Variants in UBR4 observed in about 807,000 individuals in gnomAD.
The protein encoded by UBR4 is E3 ubiquitin-protein ligase UBR4.
A neutral mutation model predicts 575.6 loss-of-function variants in UBR4; 124 were observed. That is an observed-to-expected ratio of 0.22 (90% CI 0.19 to 0.25). The LOEUF is 0.25. UBR4 is among the 10% of genes least tolerant of loss of function. UBR4 has a pLI of 1.00. For missense variants in UBR4, 4,818 were observed against 6,478.8 expected (o/e 0.74, Z 8.80); for synonymous variants, 2,455 against 2,473.7 (o/e 0.99, Z 0.22).
In UBR4 at chr1:19,186,585, A is replaced by C. The variant is rs2091546706; in HGVS notation, c.1705T>G (p.Tyr569Asp). Residue 569 changes from tyrosine (Y) to aspartate (D), a missense_variant, in exon 14 of 106, where the codon TAC becomes GAC. Physicochemically the swap from Tyr to Asp is radical, Grantham distance 160. Transcript: ENST00000375254. Reference protein sequence around the residue: ...DASASTDSNTYYEDDFSSTEE... With the variant: ...DASASTDSNTDYEDDFSSTEE... Reference sequence around the variant, plus strand: ...GTGCTACTGAAATCGTCCTCATAGTAAGTATTGGAGTCGGTGGAGGCGCTG... The same window carrying C: ...GTGCTACTGAAATCGTCCTCATAGTCAGTATTGGAGTCGGTGGAGGCGCTG... The C allele has an allele frequency of 6.2e-7, 1 of 1,613,974 alleles. No individual in the cohort carries two copies. The highest frequency in any genetic ancestry group is 8.5e-7 in the Non-Finnish European group (1 of 1,179,996).
Position 19,127,754 on chromosome 1 carries a change from G to T in UBR4, c.9112-15C>A. 3 of 1,607,702 alleles carry T rather than the reference G, an allele frequency of 1.9e-6. No individual in the cohort carries two copies. The highest frequency in any genetic ancestry group is 2.6e-6 in the Non-Finnish European group (3 of 1,174,294). ...TTGGAGACATCCTGCAGGCCAAAGCGTAAGTCCAGAAACCTCTACTTACTC... is the reference window on the plus strand; with the variant it reads ...TTGGAGACATCCTGCAGGCCAAAGCTTAAGTCCAGAAACCTCTACTTACTC... On this transcript the variant is annotated splice_polypyrimidine_tract_variant and intron_variant, in intron 62 of 105. Transcript: ENST00000375254.
rs558974411 is a variant in UBR4 at position 19,102,275 on chromosome 1, G to C, written c.12902-634C>G. Among the ~76,000 whole-genome samples, 13 of 152,224 alleles carry C rather than the reference G, an allele frequency of 8.5e-5. No homozygotes were observed. In the East Asian group the frequency reaches 1.9e-3, roughly 23 times the overall value. On this transcript the variant is annotated intron_variant, in intron 87 of 105. Transcript: ENST00000375254. ...AGCTACTCAGGAGGCTGAGGTGGGAGGATGGTTTGAGCCCAGAAGGCGGAG... is the reference window on the plus strand; with the variant it reads ...AGCTACTCAGGAGGCTGAGGTGGGACGATGGTTTGAGCCCAGAAGGCGGAG...
chr1:19,165,167 G>A (rs2088117815), intron 31 of UBR4, 82 bp downstream of exon 31: 2 of 1,491,846 alleles, frequency 1.3e-6, no homozygotes, highest in East Asian at 4.5e-5. Flanking sequence ...TCATGCTGTA[G>A]TTAAACTCAG....
chr1:19,149,879 G>T, intron 49 of UBR4: 1 of 1,086,496 alleles, frequency 9.2e-7, no homozygotes, highest in Non-Finnish European at 1.2e-6. Flanking sequence ...AGCAAACCAT[G>T]TATGGATAGG....
chr1:19,168,101 G>A lies in UBR4; in HGVS notation c.3825C>T (p.Ser1275=). The A allele has an allele frequency of 6.2e-7, 1 of 1,613,786 alleles. No individual in the cohort carries two copies. Among genetic ancestry groups the A allele is most frequent in the Non-Finnish European group, 8.5e-7 (1 of 1,179,726 alleles). Residue 1275 remains serine (S), a synonymous_variant, in exon 28 of 106, where the codon AGC becomes AGT. Transcript: ENST00000375254. ...VQAAHLGTLC[S]QSLPLAASLK... ...GGGAAGCAGCCAGGGGCAGACTTTGGCTACAGAGAGTCCCCAGGTGTGCAG... is the reference window on the plus strand; with the variant it reads ...GGGAAGCAGCCAGGGGCAGACTTTGACTACAGAGAGTCCCCAGGTGTGCAG...
chr1:19,110,550 G>GGT lies in UBR4; in HGVS notation c.11893-88_11893-87dup. On this transcript the variant is annotated intron_variant, in intron 79 of 105. Transcript: ENST00000375254. The surrounding 1 kb of genome is among the most constrained non-coding windows in gnomAD (Gnocchi z 4.5). ...ACTATTAATACAATTTCTGGTCCTA[G>GGT]GTGGCTCCAACAGAGACAAAGGACA... is the stretch of plus-strand genomic sequence containing the variant. 6.8e-7 allele frequency: 1 copy of GGT among 1,470,106 alleles called. No individual in the cohort carries two copies. The highest frequency in any genetic ancestry group is 9.4e-7 in the Non-Finnish European group (1 of 1,061,166). 91.1% of individuals were successfully genotyped at this position (1,470,106 alleles called of 1,614,324 possible). A position where few individuals can be genotyped will look rare whatever the true frequency, so the allele number is the denominator to read the frequency against.
At chr1:19,128,135 C>G (rs2082024979) in intron 62 of UBR4, 76 bp downstream of exon 62, 1 of 1,396,680 alleles carries the variant, frequency 7.2e-7, no homozygotes, top group Non-Finnish European at 1.0e-6. Context: ...TGAAGTTCCT[C>G]TATGAAACGA....
chr1:19,113,664 C>G (rs1412165983), intron 77 of UBR4, 35 bp downstream of exon 77: 1 of 1,612,022 alleles, frequency 6.2e-7, no homozygotes, highest in Non-Finnish European at 8.5e-7. Flanking sequence ...AACACTTGGA[C>G]AAAACACACC....
rs1350653868 is a variant in UBR4 at position 19,148,578 on chromosome 1, G to A, written c.7479C>T (p.Gly2493=). ...LEALESCFAV[G]PIIEKERNKN... ...AGTGACTTGCCTTCTCGATGATTGG[G>A]CCAACGGCAAAGCAGCTTTCCAGGG... Residue 2493 remains glycine (G), a synonymous_variant, in exon 50 of 106, where the codon GGC becomes GGT. Coordinates refer to ENST00000375254, the MANE Select transcript of UBR4 (RefSeq NM_020765.3). 1 of 1,614,164 alleles carries A rather than the reference G, an allele frequency of 6.2e-7. No homozygotes were observed. Among genetic ancestry groups the A allele is most frequent in the Non-Finnish European group, 8.5e-7 (1 of 1,180,028 alleles).
At chr1:19,077,951 A>G in intron 104 of UBR4, 25 bp downstream of exon 104, 1 of 1,613,736 alleles carries the variant, frequency 6.2e-7, no homozygotes, top group Admixed American at 1.7e-5. Flanking sequence ...GCCAAAACCC[A>G]CTGGGCCTCT....
intron 102 of UBR4, 180 bp from the exon 103 acceptor site, chr1:19,081,753 T>A (rs895646069): frequency 1.3e-6 from 1 of 755,660 alleles, no homozygotes; most frequent in Non-Finnish European, 2.4e-6. Flanking sequence ...TCCACGCCCT[T>A]CGTCCCCTTC....
At chr1:19,194,180 A>G (rs2092305851) in intron 8 of UBR4, among the ~76,000 whole-genome samples, 2 of 152,246 alleles carry the variant, frequency 1.3e-5, no homozygotes, top group African/African-American at 4.8e-5. Context: ...ACCCCAATGT[A>G]AACTATGGAC....
At chr1:19,149,641 G>C in intron 49 of UBR4, 1 of 912,536 alleles carries the variant, frequency 1.1e-6, no homozygotes, top group Non-Finnish European at 1.5e-6. Flanking sequence ...GCAATGACCA[G>C]AACAGAAAGA....
intron 62 of UBR4, 98 bp downstream of exon 62, chr1:19,128,113 C>A: frequency 8.4e-7 from 1 of 1,197,136 alleles, no homozygotes; most frequent in South Asian, 1.3e-5. Context: ...ATGGTTACCC[C>A]TTGAAACGAG....
chr1:19,160,769 G>A (rs17391011), intron 38 of UBR4, 148 bp downstream of exon 38: 13 of 766,612 alleles, frequency 1.7e-5, no homozygotes, highest in Admixed American at 4.7e-5. Flanking sequence ...CCCTCGTGAC[G>A]ACAATACATA....
chr1:19,151,585 G>T (rs777273200), intron 48 of UBR4, 58 bp downstream of exon 48: 4 of 1,576,112 alleles, frequency 2.5e-6, no homozygotes, highest in Non-Finnish European at 3.5e-6. Flanking sequence ...CAGGCCAGTG[G>T]CTCCCAATTT....
At position 19,164,267 on chromosome 1, in the gene UBR4, A is replaced by G. The variant is rs779689880; in HGVS notation, c.4686T>C (p.Asp1562=). Residue 1562 remains aspartate (D), a synonymous_variant, in exon 33 of 106, where the codon GAT becomes GAC. Transcript: ENST00000375254. The part of the protein sequence containing the change: ...GHLQLHNAAV[D]WLSRCKKYLS... ...CATCATCTTACCATCTGCTCAGCCAATCCACAGCAGCATTATGAAGCTGAA... is the reference window on the plus strand; with the variant it reads ...CATCATCTTACCATCTGCTCAGCCAGTCCACAGCAGCATTATGAAGCTGAA... 1 of 1,613,338 alleles carries G rather than the reference A, an allele frequency of 6.2e-7. No individual in the cohort carries two copies. Among genetic ancestry groups the G allele is most frequent in the Non-Finnish European group, 8.5e-7 (1 of 1,179,474 alleles).
chr1:19,146,714 C>A, intron 52 of UBR4, 112 bp downstream of exon 52: 1 of 1,429,908 alleles, frequency 7.0e-7, no homozygotes. Flanking sequence ...GAAGCAAAAT[C>A]CCTGTCTCTG....
In UBR4 at chr1:19,185,196, G is replaced by A. The variant is rs778190179; in HGVS notation, c.1841C>T (p.Pro614Leu). ...EKAAPPPPPP[P>L]PPLESSPRVK... is the part of the protein sequence containing the mutation. Reference sequence around the variant, plus strand: ...CCGAGGAGAGCTTTCCAGTGGAGGAGGTGGGGGAGGAGGCGGAGGTGCTGC... The same window carrying A: ...CCGAGGAGAGCTTTCCAGTGGAGGAAGTGGGGGAGGAGGCGGAGGTGCTGC... Residue 614 changes from proline to leucine, a missense_variant, in exon 15 of 106, where the codon CCT becomes CTT. By Grantham distance (98) the Pro-to-Leu change is moderately conservative. Coordinates refer to ENST00000375254, the MANE Select transcript of UBR4 (RefSeq NM_020765.3). 4 of 1,614,156 alleles carry A rather than the reference G, an allele frequency of 2.5e-6. No homozygotes were observed. Among genetic ancestry groups the A allele is most frequent in the South Asian group, 1.1e-5 (1 of 91,080 alleles).
Sources: allele counts gnomAD v4.1 joint callset (sites outside exome capture counted in the v4.1 genomes callset), GRCh38; gene constraint gnomAD v4.1.1; non-coding constraint Gnocchi (gnomAD v3.1); transcripts MANE v1.5; gene names NCBI Gene and HGNC (gene_info 2026-07-23, HGNC 2026-07-21).